Variants in CDH13 observed in about 807,000 individuals in gnomAD.
CDH13 encodes cadherin-13.
CDH13 carries 24 observed loss-of-function variants against 63.8 expected under a neutral mutation model. That is an observed-to-expected ratio of 0.38 (90% CI 0.27 to 0.53). CDH13 has a LOEUF of 0.53. Ranked by LOEUF, CDH13 falls within the 20% of genes least tolerant of loss-of-function variation. The pLI, the probability that CDH13 is intolerant of heterozygous loss-of-function variation, is 0.85. For synonymous variants in CDH13, 503 were observed against 355.3 expected (o/e 1.42, Z -4.67); for missense variants, 1,049 against 903.1 (o/e 1.16, Z -2.07).
chr16:83,026,644 G>GA (rs1028717200), intron 2 of CDH13, among the ~76,000 whole-genome samples: 4 of 152,174 alleles, frequency 2.6e-5, no homozygotes, highest in South Asian at 2.1e-4. Context: ...AGTAGATAAT[G>GA]AAAAAAACAA....
intron 7 of CDH13, among the ~76,000 whole-genome samples, chr16:83,492,865 G>A (rs1275695328): frequency 6.6e-6 from 1 of 152,112 alleles, no homozygotes; most frequent in Non-Finnish European, 1.5e-5. Flanking sequence ...ACTGGTAACC[G>A]TAACCACTTC....
intron 1 of CDH13, among the ~76,000 whole-genome samples, chr16:82,712,446 G>A (rs140780613): frequency 5.8e-4 from 89 of 152,190 alleles, no homozygotes; most frequent in Admixed American, 1.7e-3. Context: ...AGCACCTTGC[G>A]TATTCTTCTC....
At chr16:83,362,623 G>A (rs957733268) in intron 6 of CDH13, among the ~76,000 whole-genome samples, 1 of 152,152 alleles carries the variant, frequency 6.6e-6, no homozygotes, top group Non-Finnish European at 1.5e-5. Flanking sequence ...AGCTCAGAAA[G>A]GTCAACACCC....
chr16:83,326,874 C>G (rs1394054589), intron 5 of CDH13, among the ~76,000 whole-genome samples: 1 of 152,162 alleles, frequency 6.6e-6, no homozygotes, highest in Non-Finnish European at 1.5e-5. Flanking sequence ...ACCTATGCAT[C>G]AGTCTGCAGT....
intron 2 of CDH13, among the ~76,000 whole-genome samples, chr16:82,882,499 C>G (rs1173586552): frequency 6.6e-6 from 1 of 152,204 alleles, no homozygotes; most frequent in East Asian, 1.9e-4. Context: ...AGCTGTGAAC[C>G]ATGGTCACCG....
chr16:82,801,976 GTGTGTGTGAATGGTAATGTCACCTC>G (rs1313236508), intron 1 of CDH13, among the ~76,000 whole-genome samples: 7 of 152,192 alleles, frequency 4.6e-5, no homozygotes, highest in Non-Finnish European at 8.8e-5. Flanking sequence ...AGGCAATACA[GTGTGTGTGAATGGTAATGTCACCTC>G]CATGGGCGGG....
At chr16:83,054,468 A>G (rs549663781) in intron 3 of CDH13, among the ~76,000 whole-genome samples, 4 of 152,334 alleles carry the variant, frequency 2.6e-5, no homozygotes, top group Non-Finnish European at 4.4e-5. Context: ...AACTAATGGG[A>G]TAGTATGTAC....
rs1177135046 is a variant in CDH13, at chr16:83,650,997, G to A, written c.1102-19793G>A. 5.3e-5 allele frequency among the ~76,000 whole-genome samples: 8 copies of A among 151,884 alleles called. 1 individual carries two copies. In the South Asian group the frequency reaches 1.5e-3, roughly 28 times the overall value. On this transcript the variant is annotated intron_variant, in intron 8 of 13. Coordinates refer to ENST00000567109, the MANE Select transcript of CDH13 (RefSeq NM_001257.5). ...ATGCCTGCAGTCCCAGCTACTCTGG[G>A]GGCTGAGGCAGAAGGCTCCATTGAG...
chr16:83,586,826 G>A (rs1428568538), intron 7 of CDH13, among the ~76,000 whole-genome samples: 1 of 152,252 alleles, frequency 6.6e-6, no homozygotes, highest in African/African-American at 2.4e-5. Context: ...TTTCTCCCTG[G>A]TCCACGAATT....
At chr16:83,784,785 A>G (rs1228490691) in intron 13 of CDH13, among the ~76,000 whole-genome samples, 1 of 151,940 alleles carries the variant, frequency 6.6e-6, no homozygotes, top group African/African-American at 2.4e-5. Flanking sequence ...CATCATCATC[A>G]CCATCATCTC....
chr16:82,637,630 G>C (rs1908834307), intron 1 of CDH13: 1 of 151,310 alleles, frequency 6.6e-6, no homozygotes, highest in Non-Finnish European at 1.5e-5. Flanking sequence ...GTAGAGACGG[G>C]TTTTCACCGT....
At chr16:83,572,771 C>A (rs1195560285) in intron 7 of CDH13, among the ~76,000 whole-genome samples, 5 of 152,216 alleles carry the variant, frequency 3.3e-5, no homozygotes, top group Non-Finnish European at 7.3e-5. Flanking sequence ...TTTGGAAACT[C>A]AAATCATCCA....
rs936501194 is a variant in CDH13, at chr16:83,152,014, A to C, written c.483+26513A>C. Among the ~76,000 whole-genome samples the C allele has an allele frequency of 5.3e-5, 8 of 152,334 alleles. No homozygotes were observed. In the East Asian group the frequency reaches 7.7e-4, roughly 15 times the overall value. ...AGTAGCCTTTTGCAAGACAAACAAA[A>C]AAAAAAAGAATATTTAGGATTTAGT... On this transcript the variant is annotated intron_variant, in intron 4 of 13. Coordinates refer to ENST00000567109, the MANE Select transcript of CDH13 (RefSeq NM_001257.5).
chr16:83,473,653 G>A (rs906925305), intron 6 of CDH13, among the ~76,000 whole-genome samples: 1 of 152,194 alleles, frequency 6.6e-6, no homozygotes, highest in Non-Finnish European at 1.5e-5. Context: ...TGCAGGGCAA[G>A]GTCCTCAATA....
intron 2 of CDH13, among the ~76,000 whole-genome samples, chr16:82,877,747 C>T (rs1018603628): frequency 2.0e-5 from 3 of 151,966 alleles, no homozygotes; most frequent in Non-Finnish European, 4.4e-5. Flanking sequence ...TGAAGAGCTC[C>T]TCAAATCTCT....
rs562027851 is a variant in CDH13 at position 83,262,131 on chromosome 16, T to A, written c.636+44634T>A. Reference sequence around the variant, plus strand: ...CCAGGTGGAAGACACACAACTGGCTTATTGTCTTTTAATATTCAGTCATAT... The same window carrying A: ...CCAGGTGGAAGACACACAACTGGCTAATTGTCTTTTAATATTCAGTCATAT... On this transcript the variant is annotated intron_variant, in intron 5 of 13. Coordinates refer to ENST00000567109, the MANE Select transcript of CDH13 (RefSeq NM_001257.5). 4.5e-4 allele frequency among the ~76,000 whole-genome samples: 68 copies of A among 152,294 alleles called. 1 individual carries two copies. The highest frequency in any genetic ancestry group is 3.4e-3 in the Middle Eastern group (1 of 294).
At chr16:83,025,455 A>G (rs190689637) in intron 2 of CDH13, among the ~76,000 whole-genome samples, 2 of 152,340 alleles carry the variant, frequency 1.3e-5, no homozygotes, top group East Asian at 3.9e-4. Flanking sequence ...AGCAAGGAGA[A>G]ATGCAGAGAG....
intron 6 of CDH13, 62 bp from the exon 7 acceptor site, chr16:83,486,415 G>C: frequency 1.4e-6 from 2 of 1,462,636 alleles, no homozygotes; most frequent in South Asian, 1.3e-5. Flanking sequence ...GGTGGGGAAG[G>C]GGCTCTGGCC....
At chr16:82,637,028 G>C (rs1400471446) in intron 1 of CDH13, among the ~76,000 whole-genome samples, 1 of 152,194 alleles carries the variant, frequency 6.6e-6, no homozygotes, top group East Asian at 1.9e-4. Context: ...GGAGGTTCAA[G>C]TGAGTAAAAA....
Sources: gnomAD v4.1 joint callset for allele counts (sites outside exome capture counted in the v4.1 genomes callset) on GRCh38, gnomAD v4.1.1 for gene constraint, MANE v1.5 for transcripts, NCBI Gene and HGNC (gene_info 2026-07-23, HGNC 2026-07-21) for gene names.